PRIM2: variants seen among roughly 807,000 people sequenced by gnomAD.
PRIM2 encodes the protein DNA primase large subunit.
In PRIM2, 39 loss-of-function variants were observed where a neutral mutation model predicts 67.3. The observed-to-expected ratio is 0.58, with a 90% CI of 0.45 to 0.76. The LOEUF is 0.76. PRIM2 is among the 30% of genes least tolerant of loss of function. The pLI, the probability that PRIM2 is intolerant of heterozygous loss-of-function variation, is 0.00. For missense variants in PRIM2, 398 were observed against 598.7 expected (o/e 0.66, Z 3.50); for synonymous variants, 143 against 198.7 (o/e 0.72, Z 2.36).
intron 7 of PRIM2, among the ~76,000 whole-genome samples, chr6:57,465,386 A>G (rs1773149918): frequency 6.6e-6 from 1 of 152,196 alleles, no homozygotes; most frequent in Non-Finnish European, 1.5e-5. Flanking sequence ...CAGCAGCTAT[A>G]CTGGGTTTCC....
the PRIM2 span, among the ~76,000 whole-genome samples, chr6:57,289,772 A>C: frequency 6.6e-6 from 1 of 152,216 alleles, no homozygotes; most frequent in African/African-American, 2.4e-5. Flanking sequence ...TTTTGTCACC[A>C]CCAGGCCTGC....
chr6:57,634,200 GT>G (rs1358541431), intron 13 of PRIM2, among the ~76,000 whole-genome samples: 1 of 152,172 alleles, frequency 6.6e-6, no homozygotes, highest in African/African-American at 2.4e-5. Context: ...GACAGCAGAG[GT>G]AATTGGCATT....
At chr6:57,329,327 A>G (rs1157869214) in intron 5 of PRIM2, among the ~76,000 whole-genome samples, 1 of 152,036 alleles carries the variant, frequency 6.6e-6, no homozygotes, top group African/African-American at 2.4e-5. Context: ...ACACGGTGTG[A>G]AGTAAGGGTC....
At chr6:57,411,069 G>A (rs1771073562) in intron 7 of PRIM2, among the ~76,000 whole-genome samples, 1 of 151,906 alleles carries the variant, frequency 6.6e-6, no homozygotes, top group Admixed American at 6.6e-5. Flanking sequence ...GGTTGGTGAT[G>A]TCTTCATGGT....
the PRIM2 span, among the ~76,000 whole-genome samples, chr6:57,235,142 C>A: frequency 2.6e-5 from 4 of 151,264 alleles, no homozygotes; most frequent in Admixed American, 1.3e-4. Flanking sequence ...CAGAATGAGA[C>A]CCTTCTCAAA....
At chr6:57,224,073 A>G in the PRIM2 span, among the ~76,000 whole-genome samples, 1 of 152,222 alleles carries the variant, frequency 6.6e-6, no homozygotes, top group Non-Finnish European at 1.5e-5. Context: ...AGCAACCCAA[A>G]TGTCCATCAA....
rs1774932163 is a variant in PRIM2, at chr6:57,533,339, C to T, written c.834+856C>T. 3.9e-5 allele frequency among the ~76,000 whole-genome samples: 6 copies of T among 152,074 alleles called. No individual in the cohort carries two copies. The South Asian group carries it at 1.2e-3, about 32-fold the overall frequency. On this transcript the variant is annotated intron_variant, in intron 9 of 13. Transcript: ENST00000615550. ...TAAATAATCTTGGGTTAGACAACTA[C>T]CAAATTATTCACAATAAATTAAAAA...
intron 7 of PRIM2, among the ~76,000 whole-genome samples, chr6:57,446,440 G>GAA (rs147959205): frequency 1.2e-4 from 2 of 16,210 alleles, no homozygotes; most frequent in East Asian, 9.2e-4. Flanking sequence ...TTTTGAGACA[G>GAA]TCTTGCTCTG....
At chr6:57,285,431 A>G in the PRIM2 span, among the ~76,000 whole-genome samples, 4 of 152,352 alleles carry the variant, frequency 2.6e-5, no homozygotes, top group Admixed American at 1.3e-4. Flanking sequence ...ACCACTATCA[A>G]GTTGGCTTCA....
Position 57,646,267 on chromosome 6 carries a change from C to T in PRIM2, c.*109C>T, listed in dbSNP as rs1167779796. On this transcript the variant is annotated 3_prime_UTR_variant, in exon 14 of 14. Coordinates refer to ENST00000615550, the MANE Select transcript of PRIM2 (RefSeq NM_000947.5). Reference sequence around the variant, plus strand: ...GTCACCAAGGCTTAGTGCAGTGACACAATTACAGCTGATTGCAGCCTTGAC... The same window carrying T: ...GTCACCAAGGCTTAGTGCAGTGACATAATTACAGCTGATTGCAGCCTTGAC... The T allele has an allele frequency of 3.2e-6, 2 of 633,792 alleles. No homozygotes were observed. Among genetic ancestry groups the T allele is most frequent in the Non-Finnish European group, 5.5e-6 (2 of 361,624 alleles). The allele number at this position is 633,792 out of a possible 1,614,324, so 39.3% of individuals were successfully genotyped here.
intron 13 of PRIM2, among the ~76,000 whole-genome samples, chr6:57,641,685 C>T (rs1777238365): frequency 1.3e-5 from 2 of 152,210 alleles, no homozygotes; most frequent in African/African-American, 2.4e-5. Flanking sequence ...CAATGAGATA[C>T]CATCTCATGC....
chr6:57,475,698 T>C (rs1773460924), intron 7 of PRIM2, among the ~76,000 whole-genome samples: 1 of 152,354 alleles, frequency 6.6e-6, no homozygotes. Flanking sequence ...CCAGAGCATG[T>C]CAAGGATTTT....
intron 11 of PRIM2, among the ~76,000 whole-genome samples, chr6:57,603,681 C>T (rs1173882109): frequency 0.31 from 46,878 of 148,868 alleles, 7,378 homozygotes; most frequent in East Asian, 0.46. Flanking sequence ...TTTAGTTCCA[C>T]ATGAATTTTA....
chr6:57,332,595 A>G (rs1768088745), intron 5 of PRIM2, among the ~76,000 whole-genome samples: 1 of 151,404 alleles, frequency 6.6e-6, no homozygotes. Context: ...TGATGGGTTG[A>G]CCCTTTTATC....
At chr6:57,341,372 G>T (rs1768483135) in intron 5 of PRIM2, among the ~76,000 whole-genome samples, 1 of 152,092 alleles carries the variant, frequency 6.6e-6, no homozygotes, top group South Asian at 2.1e-4. Context: ...GTGGCTGATG[G>T]GGATTCATGG....
At chr6:57,366,745 C>T (rs1479762924) in intron 5 of PRIM2, among the ~76,000 whole-genome samples, 2 of 151,980 alleles carry the variant, frequency 1.3e-5, no homozygotes, top group African/African-American at 4.8e-5. Context: ...TGGTTGGTCA[C>T]CATAATGAGG....
chr6:57,639,729 G>C (rs1193929289), intron 13 of PRIM2, among the ~76,000 whole-genome samples: 1 of 150,104 alleles, frequency 6.7e-6, no homozygotes, highest in Admixed American at 6.7e-5. Context: ...TTCTGAAACT[G>C]AGGCAGTAAT....
chr6:57,275,725 G>C, the PRIM2 span, among the ~76,000 whole-genome samples: 1 of 152,166 alleles, frequency 6.6e-6, no homozygotes, highest in Non-Finnish European at 1.5e-5. Context: ...CGTCTCCTGA[G>C]CCATTGAGTT....
chr6:57,239,111 A>T, the PRIM2 span, among the ~76,000 whole-genome samples: 2 of 151,942 alleles, frequency 1.3e-5, no homozygotes, highest in African/African-American at 4.8e-5. Context: ...CTGCCTCCAC[A>T]TTCTGAGTAG....
Sources: allele counts gnomAD v4.1 joint callset (sites outside exome capture counted in the v4.1 genomes callset), GRCh38; gene constraint gnomAD v4.1.1; transcripts MANE v1.5; gene names NCBI Gene and HGNC (gene_info 2026-07-23, HGNC 2026-07-21).